The following FNIP2 variants were observed in gnomAD, a reference collection of about 807,000 sequenced individuals.
The protein encoded by FNIP2 is folliculin-interacting protein 2.
Under a neutral mutation model 108.7 loss-of-function variants are expected in FNIP2, and 32 were observed. The ratio of observed to expected loss-of-function variants is 0.29; its 90% CI spans 0.22 to 0.40. The LOEUF (loss-of-function observed/expected upper bound fraction) is 0.40. Ranked by LOEUF, FNIP2 falls within the 10% of genes least tolerant of loss-of-function variation. The pLI is 1.00. For synonymous variants in FNIP2, 480 were observed against 496.7 expected (o/e 0.97, Z 0.45); for missense variants, 1,202 against 1,381.6 (o/e 0.87, Z 2.06).
chr4:158,903,147 G>A, intron 16 of FNIP2, among the ~76,000 whole-genome samples: 1 of 152,206 alleles, frequency 6.6e-6, no homozygotes, highest in South Asian at 2.1e-4. Context: ...TGGTCTGTGG[G>A]TCATGAAGAC....
intron 1 of FNIP2, among the ~76,000 whole-genome samples, chr4:158,778,192 T>C (rs1775920742): frequency 6.6e-6 from 1 of 152,258 alleles, no homozygotes; most frequent in Non-Finnish European, 1.5e-5. Context: ...TGGGGCTTTA[T>C]GTTTGTCTTC....
At chr4:158,806,183 G>A in intron 1 of FNIP2, 1 of 1,261,020 alleles carries the variant, frequency 7.9e-7, no homozygotes, top group Non-Finnish European at 1.0e-6. Flanking sequence ...AGGAACTTCA[G>A]GATTTGTCTC....
At chr4:158,791,266 C>CTTTTTTTTTTTTTTTTTTTTTTTTTTTT (rs199714823) in intron 1 of FNIP2, among the ~76,000 whole-genome samples, 3 of 98,080 alleles carry the variant, frequency 3.1e-5, no homozygotes, top group African/African-American at 4.0e-5. Context: ...ACTGAGGATC[C>CTTTTTTTTTTTTTTTTTTTTTTTTTTTT]TTTTTTTTTT....
intron 1 of FNIP2, among the ~76,000 whole-genome samples, chr4:158,788,639 C>T (rs562071514): frequency 7.9e-5 from 12 of 152,202 alleles, no homozygotes; most frequent in Non-Finnish European, 1.2e-4. Flanking sequence ...GAGAAGAAGC[C>T]GTACATATGG....
intron 14 of FNIP2, among the ~76,000 whole-genome samples, chr4:158,880,555 C>T (rs557390955): frequency 4.1e-4 from 62 of 152,132 alleles, no homozygotes; most frequent in Admixed American, 1.2e-3. Context: ...CAAACCTGCA[C>T]GTTGTGCACA....
In FNIP2 at chr4:158,825,964, C is replaced by T; in HGVS notation, c.156C>T (p.Tyr52=). The T allele has an allele frequency of 6.2e-7, 1 of 1,609,112 alleles. No homozygotes were observed. Among genetic ancestry groups the T allele is most frequent in the Non-Finnish European group, 8.5e-7 (1 of 1,175,900 alleles). The change falls in exon 2 of 17, where the codon TAC becomes TAT. Residue 52 remains tyrosine (Y), a synonymous_variant. Coordinates refer to ENST00000264433, the MANE Select transcript of FNIP2 (RefSeq NM_020840.3). ...TGAATGAGATTCGCCTGATAGTTTA[C>T]CAGGACTGTGACAGGAGAGGCAGAC... ...FDLNEIRLIV[Y]QDCDRRGRQV...
chr4:158,776,350 G>A (rs1775859142), intron 1 of FNIP2, among the ~76,000 whole-genome samples: 1 of 152,220 alleles, frequency 6.6e-6, no homozygotes, highest in African/African-American at 2.4e-5. Context: ...GATGAAACAG[G>A]TGTTGATTTA....
At chr4:158,860,815 C>T (rs1317542917) in intron 10 of FNIP2, among the ~76,000 whole-genome samples, 1 of 151,984 alleles carries the variant, frequency 6.6e-6, no homozygotes, top group African/African-American at 2.4e-5. Flanking sequence ...CGCCACCATG[C>T]CCAGCTAATT....
chr4:158,856,682 G>T (rs905973617), intron 8 of FNIP2, among the ~76,000 whole-genome samples: 2 of 152,120 alleles, frequency 1.3e-5, no homozygotes, highest in Non-Finnish European at 2.9e-5. Context: ...TAGAAGATAG[G>T]AATCCTGGGT....
intron 6 of FNIP2, 80 bp downstream of exon 6, chr4:158,833,708 C>T (rs752891575): frequency 2.5e-5 from 36 of 1,446,124 alleles, no homozygotes; most frequent in Middle Eastern, 1.8e-4. Context: ...TTGAGTTTGT[C>T]GTGGGTTTTT....
intron 7 of FNIP2, among the ~76,000 whole-genome samples, chr4:158,846,397 G>GGT (rs1187819397): frequency 6.6e-6 from 1 of 152,064 alleles, no homozygotes; most frequent in Non-Finnish European, 1.5e-5. Context: ...AAAATACTGA[G>GGT]GTGTGGTACT....
At chr4:158,896,997 C>A (rs1210371862) in intron 16 of FNIP2, among the ~76,000 whole-genome samples, 2 of 151,704 alleles carry the variant, frequency 1.3e-5, no homozygotes, top group Non-Finnish European at 1.5e-5. Context: ...CCACCCCCAG[C>A]CCCCCACCCG....
chr4:158,902,171 T>G (rs1294604036), intron 16 of FNIP2, among the ~76,000 whole-genome samples: 1 of 152,158 alleles, frequency 6.6e-6, no homozygotes, highest in Non-Finnish European at 1.5e-5. Context: ...ATGGGGTCTC[T>G]GAGTGGACGT....
At chr4:158,784,454 A>C (rs951218972) in intron 1 of FNIP2, among the ~76,000 whole-genome samples, 22 of 152,220 alleles carry the variant, frequency 1.4e-4, no homozygotes, top group African/African-American at 5.1e-4. Context: ...GGATGATTCA[A>C]GCACATTACA....
chr4:158,819,898 C>T (rs894542587), intron 1 of FNIP2, among the ~76,000 whole-genome samples: 12 of 152,018 alleles, frequency 7.9e-5, no homozygotes, highest in South Asian at 2.1e-4. Context: ...AATAAGGAAA[C>T]GGTGGAGGTT....
intron 14 of FNIP2, chr4:158,889,772 T>C: frequency 4.1e-6 from 4 of 973,626 alleles, no homozygotes; most frequent in Non-Finnish European, 4.9e-6. Context: ...GAGTTTGAGC[T>C]CAAAATACAA....
intron 1 of FNIP2, among the ~76,000 whole-genome samples, chr4:158,773,586 C>T (rs1040066507): frequency 5.3e-5 from 8 of 152,198 alleles, no homozygotes; most frequent in African/African-American, 1.9e-4. Flanking sequence ...TTAAGTATTA[C>T]TAAGCATCTT....
chr4:158,852,327 CAT>C (rs1476775625), intron 8 of FNIP2, among the ~76,000 whole-genome samples: 1 of 152,190 alleles, frequency 6.6e-6, no homozygotes, highest in Non-Finnish European at 1.5e-5. Flanking sequence ...GTGAGCAGCA[CAT>C]GTCAGGTGGC....
At chr4:158,881,368 C>T (rs1483172701) in intron 14 of FNIP2, among the ~76,000 whole-genome samples, 2 of 146,878 alleles carry the variant, frequency 1.4e-5, no homozygotes, top group Non-Finnish European at 3.0e-5. Context: ...CTCTCCCTCT[C>T]TTTCCACGGT....
Sources: gnomAD v4.1 joint callset for allele counts (sites outside exome capture counted in the v4.1 genomes callset) on GRCh38, gnomAD v4.1.1 for gene constraint, MANE v1.5 for transcripts, NCBI Gene and HGNC (gene_info 2026-07-23, HGNC 2026-07-21) for gene names.